The following SLC9A4 variants were observed in gnomAD, a reference collection of about 807,000 sequenced individuals.
SLC9A4 encodes the protein solute carrier family 9 member A4.
SLC9A4 carries 63 observed loss-of-function variants against 67.4 expected under a neutral mutation model. The observed-to-expected ratio is 0.93, with a 90% CI of 0.76 to 1.15. The LOEUF (loss-of-function observed/expected upper bound fraction) is 1.15. Among genes scored for constraint, SLC9A4 ranks in the 50% most tolerant of loss-of-function variants. SLC9A4 has a pLI of 0.00. For missense variants in SLC9A4, 1,089 were observed against 987.7 expected, an observed-to-expected ratio of 1.10 and a Z score of -1.38; for synonymous variants, 393 against 367.2, an observed-to-expected ratio of 1.07 and a Z score of -0.80.
At chr2:102,496,682 C>T (rs1335830664) in intron 2 of SLC9A4, among the ~76,000 whole-genome samples, 8 of 151,790 alleles carry the variant, frequency 5.3e-5, no homozygotes, top group Admixed American at 4.6e-4. Flanking sequence ...TTGTATAAAT[C>T]TGTCTATGGG....
chr2:102,520,716 T>C (rs1405626850), intron 9 of SLC9A4, among the ~76,000 whole-genome samples: 1 of 152,172 alleles, frequency 6.6e-6, no homozygotes, highest in Non-Finnish European at 1.5e-5. Flanking sequence ...TTAATGAAAC[T>C]AAAACAAAAT....
intron 2 of SLC9A4, among the ~76,000 whole-genome samples, chr2:102,503,162 G>A (rs1037275888): frequency 6.6e-6 from 1 of 152,190 alleles, no homozygotes; most frequent in African/African-American, 2.4e-5. Context: ...GGGTTCATTT[G>A]GAGTCTAGAG....
intron 2 of SLC9A4, among the ~76,000 whole-genome samples, chr2:102,500,044 G>T (rs1684891417): frequency 6.6e-6 from 1 of 152,148 alleles, no homozygotes; most frequent in East Asian, 1.9e-4. Context: ...TGCTCACCTG[G>T]AACTGCAGGA....
intron 9 of SLC9A4, among the ~76,000 whole-genome samples, chr2:102,521,404 T>C (rs1240093450): frequency 1.3e-5 from 2 of 152,198 alleles, no homozygotes; most frequent in African/African-American, 4.8e-5. Flanking sequence ...TGCCCTCGAA[T>C]TAAAGCACAA....
chr2:102,478,802 G>C, intron 1 of SLC9A4, 37 bp from the exon 2 acceptor site: 1 of 1,592,622 alleles, frequency 6.3e-7, no homozygotes. Context: ...AGACCGTTTC[G>C]TTTGCAAGCA....
At chr2:102,484,744 C>G (rs951986970) in intron 2 of SLC9A4, among the ~76,000 whole-genome samples, 1 of 152,210 alleles carries the variant, frequency 6.6e-6, no homozygotes, top group Non-Finnish European at 1.5e-5. Context: ...TCTATCACCC[C>G]TAGCTCCTTA....
chr2:102,508,914 A>G lies in SLC9A4; in HGVS notation c.1469A>G (p.Asn490Ser), dbSNP rs772475441. Reference protein sequence around the residue: ...VKKTNKKESINEELHIRLMDH... With the variant: ...VKKTNKKESISEELHIRLMDH... ...AAAACCAATAAAAAAGAATCCATCAATGAAGAGCTTCATATTCGTGTAAGT... is the reference window on the plus strand; with the variant it reads ...AAAACCAATAAAAAAGAATCCATCAGTGAAGAGCTTCATATTCGTGTAAGT... Residue 490 changes from asparagine (N) to serine (S), a missense_variant, in exon 6 of 12, where the codon AAT becomes AGT. Physicochemically the swap from Asn to Ser is conservative, Grantham distance 46. Coordinates refer to ENST00000295269, the MANE Select transcript of SLC9A4 (RefSeq NM_001011552.4). 5.6e-6 allele frequency: 9 copies of G among 1,612,644 alleles called. No homozygotes were observed. Among genetic ancestry groups the G allele is most frequent in the Non-Finnish European group, 7.6e-6 (9 of 1,179,506 alleles).
chr2:102,504,711 C>T (rs915984952), intron 3 of SLC9A4, among the ~76,000 whole-genome samples: 4 of 152,184 alleles, frequency 2.6e-5, no homozygotes, highest in African/African-American at 9.7e-5. Flanking sequence ...ACTTTCCCAC[C>T]TGGAAAATGA....
chr2:102,478,035 A>AT (rs1684369705), intron 1 of SLC9A4, among the ~76,000 whole-genome samples: 1 of 152,180 alleles, frequency 6.6e-6, no homozygotes, highest in African/African-American at 2.4e-5. Context: ...TGCACAACTA[A>AT]TACCCTTGGT....
intron 2 of SLC9A4, among the ~76,000 whole-genome samples, chr2:102,502,958 C>A (rs1301624242): frequency 6.6e-6 from 1 of 152,238 alleles, no homozygotes. Context: ...GTGGCTCAGG[C>A]AGGATCCGCT....
Position 102,532,331 on chromosome 2 carries a change from T to G in SLC9A4, c.2040T>G (p.Asp680Glu), listed in dbSNP as rs1674793379. The change falls in exon 12 of 12, where the codon GAT becomes GAG. Residue 680 changes from aspartate (D) to glutamate (E), a missense_variant and splice_region_variant. Physicochemically the swap from Asp to Glu is conservative, Grantham distance 45. Transcript: ENST00000295269. ...CTTCTTGCCATGATGTTTTCCTAGA[T>G]GATGACAGCAGTGATCCAGGATCCC... ...GRDTRAAGFSDDDSSDPGSPS... is the reference protein window; with the variant it reads ...GRDTRAAGFSEDDSSDPGSPS... 2 of 1,609,380 alleles carry G rather than the reference T, an allele frequency of 1.2e-6. No homozygotes were observed. The highest frequency in any genetic ancestry group is 2.2e-5 in the South Asian group (2 of 90,832).
chr2:102,485,067 T>G (rs184159731), intron 2 of SLC9A4, among the ~76,000 whole-genome samples: 61 of 152,184 alleles, frequency 4.0e-4, no homozygotes, highest in Non-Finnish European at 1.6e-4. Flanking sequence ...GAGGTGGTGA[T>G]AGTACACAGT....
intron 2 of SLC9A4, among the ~76,000 whole-genome samples, chr2:102,481,267 C>T (rs1490747707): frequency 6.6e-6 from 1 of 152,162 alleles, no homozygotes; most frequent in Non-Finnish European, 1.5e-5. Context: ...CTTATACTTC[C>T]TTAGTGTATT....
At chr2:102,532,218 G>T in intron 11 of SLC9A4, 112 bp from the exon 12 acceptor site, 1 of 1,232,464 alleles carries the variant, frequency 8.1e-7, no homozygotes. Flanking sequence ...GTGTAGAGCT[G>T]AAACCTCAGG....
At chr2:102,526,879 G>A (rs894240791) in intron 11 of SLC9A4, among the ~76,000 whole-genome samples, 9 of 152,142 alleles carry the variant, frequency 5.9e-5, no homozygotes, top group African/African-American at 2.2e-4. Flanking sequence ...AATAAAAGCA[G>A]TTACTATTTT....
intron 10 of SLC9A4, among the ~76,000 whole-genome samples, chr2:102,525,805 C>A (rs888439976): frequency 6.6e-6 from 1 of 152,088 alleles, no homozygotes; most frequent in Non-Finnish European, 1.5e-5. Context: ...CTGGCGTGTT[C>A]TGCTTTCTCA....
chr2:102,497,743 A>T (rs1176303629), intron 2 of SLC9A4, among the ~76,000 whole-genome samples: 1 of 152,196 alleles, frequency 6.6e-6, no homozygotes, highest in Non-Finnish European at 1.5e-5. Flanking sequence ...TATCTTGACT[A>T]TGGCGATGGC....
At chr2:102,488,985 A>C (rs1019334936) in intron 2 of SLC9A4, among the ~76,000 whole-genome samples, 1 of 152,222 alleles carries the variant, frequency 6.6e-6, no homozygotes, top group Non-Finnish European at 1.5e-5. Flanking sequence ...AGGGTCAGAC[A>C]CTGCTTGTTC....
At chr2:102,480,942 G>T (rs1208024198) in intron 2 of SLC9A4, among the ~76,000 whole-genome samples, 1 of 152,214 alleles carries the variant, frequency 6.6e-6, no homozygotes, top group East Asian at 1.9e-4. Flanking sequence ...GGCAGGCTTT[G>T]TGGTAACAAG....
Sources: gnomAD v4.1 joint callset for allele counts (sites outside exome capture counted in the v4.1 genomes callset) on GRCh38, gnomAD v4.1.1 for gene constraint, MANE v1.5 for transcripts, NCBI Gene and HGNC (gene_info 2026-07-23, HGNC 2026-07-21) for gene names.